Variants in RAB18 observed in about 807,000 individuals in gnomAD.
RAB18 encodes the protein RAB18, member RAS oncogene family.
A neutral mutation model predicts 28.5 loss-of-function variants in RAB18; 10 were observed. The ratio of observed to expected loss-of-function variants is 0.35; its 90% confidence interval spans 0.22 to 0.60. The LOEUF (loss-of-function observed/expected upper bound fraction) is 0.60. RAB18 is among the 20% of genes least tolerant of loss of function. The pLI, the probability that RAB18 is intolerant of heterozygous loss-of-function variation, is 0.78. For synonymous variants in RAB18, 93 were observed against 86.9 expected (o/e 1.07, Z -0.39); for missense variants, 188 against 244.2 (o/e 0.77, Z 1.53).
Position 27,509,888 on chromosome 10 carries a change from T to G in RAB18, c.82T>G (p.Phe28Val). Residue 28 changes from phenylalanine (F) to valine (V), a missense_variant, in exon 2 of 7, where the codon TTC becomes GTC. Phe to Val is a conservative substitution (Grantham distance 50). Coordinates refer to ENST00000356940, the MANE Select transcript of RAB18 (RefSeq NM_021252.5). ...TATCTCTTTCAGCCTGCTCTTGAGG[T>G]TCACAGATGATACGTTTGATCCAGA... The part of the protein sequence containing the change: ...GVGKSSLLLR[F>V]TDDTFDPELA... 1 of 1,612,974 alleles carries G rather than the reference T, an allele frequency of 6.2e-7. No homozygotes were observed.
chr10:27,539,580 T>C lies in RAB18; in HGVS notation c.*1529T>C, dbSNP rs1473474443. The stretch of plus-strand genomic sequence containing the variant: ...AATTTGGAGAAAGAACACTAACACA[T>C]GTACTTGTGATTTGTTCATGTTATA... On this transcript the variant is annotated 3_prime_UTR_variant, in exon 7 of 7. Coordinates refer to ENST00000356940, the MANE Select transcript of RAB18 (RefSeq NM_021252.5). 2.3e-6 allele frequency: 1 copy of C among 434,812 alleles called. No individual in the cohort carries two copies. Among genetic ancestry groups the C allele is most frequent in the Non-Finnish European group, 4.5e-6 (1 of 220,672 alleles). 26.9% of individuals were successfully genotyped at this position (434,812 alleles called of 1,614,324 possible). A position where few individuals can be genotyped will look rare whatever the true frequency, so the allele number is the denominator to read the frequency against.
intron 3 of RAB18, among the ~76,000 whole-genome samples, chr10:27,528,018 A>G (rs1834713390): frequency 6.6e-6 from 1 of 152,158 alleles, no homozygotes; most frequent in Non-Finnish European, 1.5e-5. Context: ...ATGTTGGACT[A>G]GAGTATGGTA....
rs1834683594 is a variant in RAB18 at position 27,526,903 on chromosome 10, A to C, written c.186+14A>C. 1 of 1,607,862 alleles carries C rather than the reference A, an allele frequency of 6.2e-7. No homozygotes were observed. Among genetic ancestry groups the C allele is most frequent in the Admixed American group, 1.7e-5 (1 of 59,986 alleles). On this transcript the variant is annotated intron_variant, in intron 3 of 6. Transcript: ENST00000356940. ...CTTGCAATATGGGTAAGAGTTTTTA[A>C]AATGTATTTTTAAAATATTAAACTT...
chr10:27,520,937 A>AAAAAG (rs1834538742), intron 2 of RAB18, among the ~76,000 whole-genome samples: 1 of 150,282 alleles, frequency 6.7e-6, no homozygotes, highest in Non-Finnish European at 1.5e-5. Flanking sequence ...AAAAAAAAAA[A>AAAAAG]AAAAGAAAAT....
At chr10:27,532,326 AAATAATTTT>A (rs1287531655) in intron 3 of RAB18, among the ~76,000 whole-genome samples, 172 bp from the exon 4 acceptor site, 1 of 136,814 alleles carries the variant, frequency 7.3e-6, no homozygotes, top group African/African-American at 2.6e-5. Context: ...CAGTATTTAT[AAATAATTTT>A]ATTTTGTGAC....
At chr10:27,531,274 T>C (rs904122568) in intron 3 of RAB18, among the ~76,000 whole-genome samples, 47 of 152,094 alleles carry the variant, frequency 3.1e-4, no homozygotes, top group Non-Finnish European at 5.7e-4. Flanking sequence ...GTGGTTTACA[T>C]TGAAACGTTA....
chr10:27,508,897 A>T (rs539724638), intron 1 of RAB18, among the ~76,000 whole-genome samples: 1 of 152,298 alleles, frequency 6.6e-6, no homozygotes, highest in East Asian at 1.9e-4. Context: ...TATTCATGCA[A>T]ACAGGTCAAT....
At chr10:27,535,071 G>A (rs1456493549) in intron 6 of RAB18, among the ~76,000 whole-genome samples, 1 of 152,152 alleles carries the variant, frequency 6.6e-6, no homozygotes, top group Non-Finnish European at 1.5e-5. Context: ...ATTATAAGGG[G>A]AGAGAGAATG....
intron 2 of RAB18, among the ~76,000 whole-genome samples, chr10:27,526,207 A>G (rs1834668377): frequency 6.6e-6 from 1 of 152,190 alleles, no homozygotes; most frequent in Non-Finnish European, 1.5e-5. Flanking sequence ...AGATTCTTAG[A>G]TGGTTGTATA....
intron 1 of RAB18, among the ~76,000 whole-genome samples, chr10:27,508,247 C>G (rs1157291878): frequency 6.6e-6 from 1 of 152,318 alleles, no homozygotes; most frequent in East Asian, 1.9e-4. Flanking sequence ...TGTTGCTTCA[C>G]ACCATGCCAC....
At chr10:27,516,224 T>A (rs762944102) in intron 2 of RAB18, among the ~76,000 whole-genome samples, 4 of 152,184 alleles carry the variant, frequency 2.6e-5, no homozygotes, top group African/African-American at 4.8e-5. Context: ...TTGCTCTGGA[T>A]ACTTTGAATT....
At position 27,506,250 on chromosome 10, in the gene RAB18, A is replaced by G. The variant is rs1334656653; in HGVS notation, c.68+1813A>G. Reference sequence around the variant, plus strand: ...TTAGCACTTTTTCTAAATGTATTGCATGGATGACAAGTTAGGGTATGTTAA... The same window carrying G: ...TTAGCACTTTTTCTAAATGTATTGCGTGGATGACAAGTTAGGGTATGTTAA... On this transcript the variant is annotated intron_variant, in intron 1 of 6. Coordinates refer to ENST00000356940, the MANE Select transcript of RAB18 (RefSeq NM_021252.5). 3.3e-5 allele frequency among the ~76,000 whole-genome samples: 5 copies of G among 152,148 alleles called. 1 individual carries two copies. The highest frequency in any genetic ancestry group is 1.2e-4 in the African/African-American group (5 of 41,428).
chr10:27,530,170 A>T (rs1834757934), intron 3 of RAB18, among the ~76,000 whole-genome samples: 1 of 151,992 alleles, frequency 6.6e-6, no homozygotes, highest in African/African-American at 2.4e-5. Flanking sequence ...CAGTTTCCTT[A>T]TGCAAATAGA....
intron 2 of RAB18, among the ~76,000 whole-genome samples, chr10:27,515,368 CTA>C (rs1023258773): frequency 6.6e-5 from 10 of 152,110 alleles, no homozygotes; most frequent in African/African-American, 1.9e-4. Flanking sequence ...GCTTTAAAAA[CTA>C]TTTTCAAATA....
intron 2 of RAB18, among the ~76,000 whole-genome samples, chr10:27,520,378 CT>C (rs199699729): frequency 1.5e-4 from 22 of 146,846 alleles, no homozygotes; most frequent in Admixed American, 2.0e-4. Context: ...CTCTCACTCT[CT>C]TTTTTTTTTG....
At chr10:27,512,486 A>G (rs1181015712) in intron 2 of RAB18, among the ~76,000 whole-genome samples, 1 of 151,878 alleles carries the variant, frequency 6.6e-6, no homozygotes, top group East Asian at 1.9e-4. Context: ...TTGTATTTTT[A>G]GTAGAGATGG....
chr10:27,534,953 A>G lies in RAB18; in HGVS notation c.445+959A>G, dbSNP rs186344430. Among the ~76,000 whole-genome samples the G allele has an allele frequency of 5.8e-3, 886 of 152,348 alleles. 10 individuals are homozygous for G. Among genetic ancestry groups the G allele is most frequent in the African/African-American group, 0.02 (840 of 41,572 alleles). ...TTACCCAATATTTATTGAACACTCAAGATGTAACAGTGGACAAAACTGACA... is the reference window on the plus strand; with the variant it reads ...TTACCCAATATTTATTGAACACTCAGGATGTAACAGTGGACAAAACTGACA... On this transcript the variant is annotated intron_variant, in intron 6 of 6. Transcript: ENST00000356940.
rs1220565587 is a variant in RAB18 at position 27,539,576 on chromosome 10, C to G, written c.*1525C>G. 2.3e-6 allele frequency: 1 copy of G among 432,700 alleles called. No homozygotes were observed. The highest frequency in any genetic ancestry group is 4.6e-6 in the Non-Finnish European group (1 of 219,752). The allele number at this position is 432,700 out of a possible 1,614,324, so 26.8% of individuals were successfully genotyped here. A position where few individuals can be genotyped will look rare whatever the true frequency, so the allele number is the denominator to read the frequency against. ...TAGAAATTTGGAGAAAGAACACTAA[C>G]ACATGTACTTGTGATTTGTTCATGT... On this transcript the variant is annotated 3_prime_UTR_variant, in exon 7 of 7. Transcript: ENST00000356940.
chr10:27,515,125 G>A (rs1016282974), intron 2 of RAB18, among the ~76,000 whole-genome samples: 1 of 152,082 alleles, frequency 6.6e-6, no homozygotes, highest in Non-Finnish European at 1.5e-5. Context: ...AGGAGTGTTT[G>A]ATAAAAGATA....
Sources: allele counts gnomAD v4.1 joint callset (sites outside exome capture counted in the v4.1 genomes callset), GRCh38; gene constraint gnomAD v4.1.1; transcripts MANE v1.5; gene names NCBI Gene and HGNC (gene_info 2026-07-23, HGNC 2026-07-21).